The following KAZN variants were observed in gnomAD, a reference collection of about 807,000 sequenced individuals.
KAZN encodes the protein kazrin, periplakin interacting protein.
Under a neutral mutation model 87.4 loss-of-function variants are expected in KAZN, and 40 were observed. That is an observed-to-expected ratio of 0.46 (90% CI 0.36 to 0.60). KAZN has a LOEUF of 0.60. Ranked by LOEUF, KAZN falls within the 20% of genes least tolerant of loss-of-function variation. The pLI is 0.00. For missense variants in KAZN, 898 were observed against 1,073.9 expected, an observed-to-expected ratio of 0.84 and a Z score of 2.29; for synonymous variants, 466 against 458.3, an observed-to-expected ratio of 1.02 and a Z score of -0.22.
At chr1:14,462,111 G>GCTTTCC (rs1571707483) in intron 2 of KAZN, among the ~76,000 whole-genome samples, 1 of 150,928 alleles carries the variant, frequency 6.6e-6, no homozygotes, top group Non-Finnish European at 1.5e-5. Context: ...TCTTGGGAAA[G>GCTTTCC]CAAGAGGAGA....
intron 6 of KAZN, chr1:15,060,795 A>G (rs1310097700): frequency 6.4e-6 from 1 of 156,376 alleles, no homozygotes; most frequent in Non-Finnish European, 1.4e-5. Context: ...CATACTGGGC[A>G]CCAGCTCCCA....
intron 6 of KAZN, chr1:15,062,073 C>T (rs1227697385): frequency 6.6e-6 from 1 of 152,226 alleles, no homozygotes; most frequent in Admixed American, 6.5e-5. Flanking sequence ...ATTTTGTCTT[C>T]TCGTGGTGGG....
intron 1 of KAZN, chr1:13,893,835 GTGTGTGTC>G: frequency 6.8e-7 from 1 of 1,463,298 alleles, no homozygotes; most frequent in Middle Eastern, 1.7e-4. Flanking sequence ...ACAGCGGTCT[GTGTGTGTC>G]TGTGTGTCTG....
At chr1:14,267,535 C>T (rs758333958) in intron 2 of KAZN, among the ~76,000 whole-genome samples, 10 of 152,060 alleles carry the variant, frequency 6.6e-5, no homozygotes, top group African/African-American at 9.7e-5. Flanking sequence ...AATACTATAC[C>T]GTTTTTTATA....
At chr1:14,551,377 A>G (rs1673508498) in intron 2 of KAZN, among the ~76,000 whole-genome samples, 1 of 152,222 alleles carries the variant, frequency 6.6e-6, no homozygotes, top group African/African-American at 2.4e-5. Context: ...TAGAATGGGA[A>G]GAACCAAATT....
rs139457218 is a variant in KAZN, at chr1:14,256,465, G to A, written c.249+75873G>A. Reference sequence around the variant, plus strand: ...AAGTGAGGCAGAGGGGAAAGGAGTAGGAAGGAGAAAGGGAAGGAAGAGAGG... The same window carrying A: ...AAGTGAGGCAGAGGGGAAAGGAGTAAGAAGGAGAAAGGGAAGGAAGAGAGG... On this transcript the variant is annotated intron_variant, in intron 2 of 16. Coordinates refer to the KAZN transcript ENST00000636203. Among the ~76,000 whole-genome samples the A allele has an allele frequency of 1.9e-3, 286 of 152,186 alleles. 2 individuals are homozygous for A. The highest frequency in any genetic ancestry group is 6.7e-3 in the African/African-American group (278 of 41,516).
chr1:14,474,363 G>A (rs952160573), intron 2 of KAZN, among the ~76,000 whole-genome samples: 10 of 152,008 alleles, frequency 6.6e-5, no homozygotes, highest in African/African-American at 1.9e-4. Context: ...TTCTACTTTC[G>A]TTGAAGTTAT....
intron 1 of KAZN, among the ~76,000 whole-genome samples, chr1:14,150,661 T>C (rs1645453193): frequency 6.6e-6 from 1 of 152,172 alleles, no homozygotes; most frequent in Admixed American, 6.5e-5. Context: ...AACCCATTGT[T>C]GTAATCCATG....
chr1:14,087,809 T>C (rs1352399883), intron 1 of KAZN, among the ~76,000 whole-genome samples: 1 of 152,000 alleles, frequency 6.6e-6, no homozygotes, highest in East Asian at 1.9e-4. Flanking sequence ...ACCCAGCTGG[T>C]CATGGTATAT....
intron 1 of KAZN, among the ~76,000 whole-genome samples, chr1:14,625,048 G>A (rs1679025925): frequency 6.6e-6 from 1 of 152,046 alleles, no homozygotes; most frequent in African/African-American, 2.4e-5. Flanking sequence ...TACAGACATC[G>A]CCACTATTTC....
At chr1:14,873,058 G>C in intron 1 of KAZN, among the ~76,000 whole-genome samples, 1 of 151,244 alleles carries the variant, frequency 6.6e-6, no homozygotes, top group Admixed American at 6.6e-5. Context: ...GTGGGTGGAT[G>C]GATGGATGGG....
intron 8 of KAZN, among the ~76,000 whole-genome samples, chr1:15,072,243 G>A (rs542891300): frequency 6.2e-4 from 95 of 152,290 alleles, no homozygotes; most frequent in African/African-American, 2.2e-3. Flanking sequence ...ACTATTCTCT[G>A]TGATTTGTAA....
At chr1:14,054,361 G>A (rs1315400656) in intron 1 of KAZN, among the ~76,000 whole-genome samples, 1 of 152,182 alleles carries the variant, frequency 6.6e-6, no homozygotes, top group Admixed American at 6.5e-5. Flanking sequence ...TGCCTATAAG[G>A]TCTGATGGAC....
intron 2 of KAZN, among the ~76,000 whole-genome samples, chr1:14,456,520 G>A (rs528536437): frequency 2.6e-4 from 40 of 152,176 alleles, no homozygotes; most frequent in Admixed American, 2.3e-3. Context: ...TGTAGGTGAC[G>A]TTGTATTATA....
At chr1:14,023,464 A>G (rs192757180) in intron 1 of KAZN, among the ~76,000 whole-genome samples, 11 of 152,296 alleles carry the variant, frequency 7.2e-5, no homozygotes, top group South Asian at 2.1e-4. Context: ...ATTTCTGCAG[A>G]TGAGGAAATG....
intron 1 of KAZN, among the ~76,000 whole-genome samples, chr1:14,628,956 C>T (rs140181626): frequency 0.013 from 1,926 of 151,834 alleles, 46 homozygotes; most frequent in African/African-American, 0.045. Flanking sequence ...AAGCAATTCA[C>T]CTGCCTCAGC....
chr1:14,324,376 T>C (rs1210197472), intron 2 of KAZN, among the ~76,000 whole-genome samples: 1 of 152,210 alleles, frequency 6.6e-6, no homozygotes, highest in Admixed American at 6.5e-5. Flanking sequence ...CTGCAAATAC[T>C]TATTTCCTGC....
chr1:14,795,895 G>C (rs116510919), intron 1 of KAZN, among the ~76,000 whole-genome samples: 1 of 152,158 alleles, frequency 6.6e-6, no homozygotes, highest in African/African-American at 2.4e-5. Context: ...AGAAAGCCTT[G>C]TCTAACACAG....
intron 1 of KAZN, among the ~76,000 whole-genome samples, chr1:14,953,330 A>C (rs1323153811): frequency 1.3e-5 from 2 of 152,232 alleles, no homozygotes; most frequent in African/African-American, 4.8e-5. Context: ...CTGCTGGTTC[A>C]GGAAGCCCTT....
Sources: allele counts gnomAD v4.1 joint callset (sites outside exome capture counted in the v4.1 genomes callset), GRCh38; gene constraint gnomAD v4.1.1; transcripts MANE v1.5; gene names NCBI Gene and HGNC (gene_info 2026-07-23, HGNC 2026-07-21).